MAT2A: variants seen among roughly 807,000 people sequenced by gnomAD.
MAT2A encodes the protein S-adenosylmethionine synthase isoform type-2.
A neutral mutation model predicts 43.9 loss-of-function variants in MAT2A; 3 were observed. The observed-to-expected ratio is 0.07, with a 90% CI of 0.03 to 0.18. The LOEUF (loss-of-function observed/expected upper bound fraction) is 0.18. Ranked by LOEUF, MAT2A falls within the 10% of genes least tolerant of loss-of-function variation. The pLI is 1.00. For missense variants in MAT2A, 204 were observed against 489.0 expected (o/e 0.42, Z 5.50); for synonymous variants, 200 against 168.4 (o/e 1.19, Z -1.45).
intron 1 of MAT2A, 53 bp downstream of exon 1, chr2:85,539,431 G>A (rs1437917056): frequency 1.0e-5 from 15 of 1,437,742 alleles, no homozygotes; most frequent in Non-Finnish European, 1.2e-5. Flanking sequence ...GCAGCGCCAA[G>A]GTCCGGCTGG....
chr2:85,539,395 A>C lies in MAT2A; in HGVS notation c.91+17A>C, dbSNP rs372557886. 3.2e-5 allele frequency: 51 copies of C among 1,588,532 alleles called. No homozygotes were observed. In the African/African-American group the frequency reaches 6.2e-4, roughly 19 times the overall value. ...GCCACCCAGGTGAGGGGACGGCCTG[A>C]AGCGAAGCGTGGGGCGGGGCAGAAG... On this transcript the variant is annotated intron_variant, in intron 1 of 8. Transcript: ENST00000306434.
intron 1 of MAT2A, among the ~76,000 whole-genome samples, chr2:85,540,880 G>C (rs1486424904): frequency 6.6e-6 from 1 of 152,172 alleles, no homozygotes; most frequent in African/African-American, 2.4e-5. Context: ...AGGACTAACA[G>C]TTCACCTTTC....
At chr2:85,542,801 T>A in intron 7 of MAT2A, 54 bp downstream of exon 7, 1 of 1,535,318 alleles carries the variant, frequency 6.5e-7, no homozygotes. Flanking sequence ...GGGAGGGTAT[T>A]TAGTAGTAAT....
rs1333378698 is a variant in MAT2A at position 85,544,653 on chromosome 2, CCAGATAA to C, written c.*883_*889del. The C allele has an allele frequency of 3.3e-5, 5 of 152,482 alleles. No homozygotes were observed. Among genetic ancestry groups the C allele is most frequent in the African/African-American group, 1.2e-4 (5 of 41,424 alleles). The allele number at this position is 152,482 out of a possible 1,614,324, so 9.4% of individuals were successfully genotyped here. A position where few individuals can be genotyped will look rare whatever the true frequency, so the allele number is the denominator to read the frequency against. ...GGTCTGTAGGTTGCACACTTTGGTACCAGATAACTTTTTTTTTTCTTTATAAGAAAGC... is the reference window on the plus strand; with the variant it reads ...GGTCTGTAGGTTGCACACTTTGGTACCTTTTTTTTTTCTTTATAAGAAAGC... On this transcript the variant is annotated 3_prime_UTR_variant, in exon 9 of 9. Coordinates refer to ENST00000306434, the MANE Select transcript of MAT2A (RefSeq NM_005911.6).
chr2:85,542,850 GTA>G, intron 7 of MAT2A, 49 bp from the exon 8 acceptor site: 1 of 1,593,058 alleles, frequency 6.3e-7, no homozygotes, highest in Non-Finnish European at 8.6e-7. Flanking sequence ...TATTATACAA[GTA>G]TATGGGTCTT....
chr2:85,542,471 C>T, intron 6 of MAT2A, 94 bp from the exon 7 acceptor site: 6 of 1,524,354 alleles, frequency 3.9e-6, no homozygotes, highest in Non-Finnish European at 5.4e-6. Flanking sequence ...ACATGTGAAT[C>T]ATCGGAGGAT....
chr2:85,542,528 C>A, intron 6 of MAT2A, 37 bp from the exon 7 acceptor site: 1 of 1,586,602 alleles, frequency 6.3e-7, no homozygotes, highest in Non-Finnish European at 8.6e-7. Context: ...ACTTGGAAAG[C>A]ACTAGGCGTA....
At chr2:85,543,125 G>A in intron 8 of MAT2A, 91 bp downstream of exon 8, 2 of 1,329,152 alleles carry the variant, frequency 1.5e-6, no homozygotes, top group Non-Finnish European at 2.1e-6. Context: ...AGGTGTGAAG[G>A]AAGACTCCTC....
chr2:85,539,203 C>G lies in MAT2A; in HGVS notation c.-85C>G, dbSNP rs931203039. Reference sequence around the variant, plus strand: ...CGCCGCCCGCCTGCTACGAGTAGAACGCTGTCCGCAGCTTGCGCATTTCGC... The same window carrying G: ...CGCCGCCCGCCTGCTACGAGTAGAAGGCTGTCCGCAGCTTGCGCATTTCGC... On this transcript the variant is annotated 5_prime_UTR_variant, in exon 1 of 9. Coordinates refer to ENST00000306434, the MANE Select transcript of MAT2A (RefSeq NM_005911.6). 4.2e-6 allele frequency: 4 copies of G among 962,288 alleles called. No individual in the cohort carries two copies. Among genetic ancestry groups the G allele is most frequent in the Non-Finnish European group, 6.4e-6 (4 of 624,760 alleles). 59.6% of individuals were successfully genotyped at this position (962,288 alleles called of 1,614,324 possible). A position where few individuals can be genotyped will look rare whatever the true frequency, so the allele number is the denominator to read the frequency against.
rs754907164 is a variant in MAT2A, at chr2:85,539,238, C to T, written c.-50C>T. On this transcript the variant is annotated 5_prime_UTR_variant, in exon 1 of 9. Coordinates refer to ENST00000306434, the MANE Select transcript of MAT2A (RefSeq NM_005911.6). ...AGCTTGCGCATTTCGCAGCCGCTGC[C>T]GCCTCGCCGCTGCTCCTTCGTAAGG... The T allele has an allele frequency of 1.0e-5, 14 of 1,355,984 alleles. No individual in the cohort carries two copies. The African/African-American group carries it at 1.3e-4, about 13-fold the overall frequency. The allele number at this position is 1,355,984 out of a possible 1,614,324, so 84.0% of individuals were successfully genotyped here.
chr2:85,542,851 T>TA (rs1691513623), intron 7 of MAT2A, 50 bp from the exon 8 acceptor site: 1 of 1,593,042 alleles, frequency 6.3e-7, no homozygotes, highest in Non-Finnish European at 8.6e-7. Context: ...ATTATACAAG[T>TA]ATATGGGTCT....
chr2:85,542,427 G>C, intron 6 of MAT2A, 54 bp downstream of exon 6: 1 of 1,577,446 alleles, frequency 6.3e-7, no homozygotes, highest in Non-Finnish European at 8.7e-7. Flanking sequence ...TTAAAATTTT[G>C]GCTACTACAT....
chr2:85,539,415 C>A (rs778424999), intron 1 of MAT2A, 37 bp downstream of exon 1: 2 of 1,534,096 alleles, frequency 1.3e-6, no homozygotes, highest in South Asian at 1.2e-5. Context: ...TGGGGCGGGG[C>A]AGAAGGCAGC....
Position 85,539,177 on chromosome 2 carries a change from G to T in MAT2A, c.-111G>T. 2.6e-6 allele frequency: 2 copies of T among 781,112 alleles called. No homozygotes were observed. Among genetic ancestry groups the T allele is most frequent in the South Asian group, 1.7e-5 (1 of 58,740 alleles). The allele number at this position is 781,112 out of a possible 1,614,324, so 48.4% of individuals were successfully genotyped here. Reference sequence around the variant, plus strand: ...CACCGCCCGCTGCTTCGTTCGCTCCGCGCCGCCCGCCTGCTACGAGTAGAA... The same window carrying T: ...CACCGCCCGCTGCTTCGTTCGCTCCTCGCCGCCCGCCTGCTACGAGTAGAA... On this transcript the variant is annotated 5_prime_UTR_variant, in exon 1 of 9. Coordinates refer to ENST00000306434, the MANE Select transcript of MAT2A (RefSeq NM_005911.6).
chr2:85,543,252 G>GACT (rs1486171783), intron 8 of MAT2A: 72 of 520,540 alleles, frequency 1.4e-4, no homozygotes, highest in South Asian at 1.3e-3. Context: ...CCACTCTAGA[G>GACT]AATGTTCCAG....
Position 85,542,360 on chromosome 2 carries a change from T to C in MAT2A, c.755T>C (p.Ile252Thr), listed in dbSNP as rs1439275916. 6.2e-7 allele frequency: 1 copy of C among 1,614,108 alleles called. No homozygotes were observed. Among genetic ancestry groups the C allele is most frequent in the Admixed American group, 1.7e-5 (1 of 60,028 alleles). ...CTACAGCCAAGTGGCAGATTTGTTA[T>C]TGGTGGGCCTCAGGTAATGTCATTT... ...YHLQPSGRFV[I>T]GGPQGDAGLT... The change falls in exon 6 of 9, where the codon ATT (isoleucine) becomes ACT (threonine). Residue 252 changes from isoleucine to threonine, a missense_variant. Physicochemically the swap from Ile to Thr is moderately conservative, Grantham distance 89. Around this residue, in one of 6 missense-constraint regions of MAT2A, gnomAD observed 103 missense variants for 226.4 expected, o/e 0.45. Transcript: ENST00000306434.
At chr2:85,541,521 C>A in intron 3 of MAT2A, 112 bp from the exon 4 acceptor site, 7 of 1,302,284 alleles carry the variant, frequency 5.4e-6, no homozygotes, top group Non-Finnish European at 7.4e-6. Flanking sequence ...CTAAAAGGTC[C>A]GATGGTTTAG....
chr2:85,541,888 C>G lies in MAT2A; in HGVS notation c.465C>G (p.Val155=). 2.5e-6 allele frequency: 4 copies of G among 1,614,232 alleles called. No individual in the cohort carries two copies. The African/African-American group carries it at 5.3e-5, about 22-fold the overall frequency. ...ETEECMPLTI[V]LAHKLNAKLA... The stretch of plus-strand genomic sequence containing the variant: ...AGGAGTGTATGCCTTTAACCATTGT[C>G]TTGGCACACAAGCTAAATGCCAAAC... Residue 155 remains valine (V), a synonymous_variant, in exon 5 of 9, where the codon GTC becomes GTG. Coordinates refer to ENST00000306434, the MANE Select transcript of MAT2A (RefSeq NM_005911.6).
At position 85,542,656 on chromosome 2, in the gene MAT2A, A is replaced by G; in HGVS notation, c.860A>G (p.Tyr287Cys). 2 of 1,613,964 alleles carry G rather than the reference A, an allele frequency of 1.2e-6. No homozygotes were observed. Among genetic ancestry groups the G allele is most frequent in the Non-Finnish European group, 1.7e-6 (2 of 1,179,846 alleles). The change falls in exon 7 of 9, where the codon TAT (tyrosine) becomes TGT (cysteine). Residue 287 changes from tyrosine to cysteine, a missense_variant. Coordinates refer to ENST00000306434, the MANE Select transcript of MAT2A (RefSeq NM_005911.6). Reference sequence around the variant, plus strand: ...GGAGGTGCCTTTTCAGGAAAGGATTATACCAAGGTCGACCGTTCAGCTGCT... The same window carrying G: ...GGAGGTGCCTTTTCAGGAAAGGATTGTACCAAGGTCGACCGTTCAGCTGCT... Reference protein sequence around the residue: ...HGGGAFSGKDYTKVDRSAAYA... With the variant: ...HGGGAFSGKDCTKVDRSAAYA...
Sources: gnomAD v4.1 joint callset for allele counts (sites outside exome capture counted in the v4.1 genomes callset) on GRCh38, gnomAD v4.1.1 for gene constraint, gnomAD v4.1.1 regional missense constraint, MANE v1.5 for transcripts, NCBI Gene and HGNC (gene_info 2026-07-23, HGNC 2026-07-21) for gene names.